Variants in CALN1 observed in about 807,000 individuals in gnomAD.
CALN1 encodes calneuron 1, also known as calcium-binding protein 8.
A neutral mutation model predicts 30.6 loss-of-function variants in CALN1; 17 were observed. That is an observed-to-expected ratio of 0.56 (90% CI 0.38 to 0.83). The LOEUF (loss-of-function observed/expected upper bound fraction) is 0.83, where lower values mean the gene tolerates loss of function less well. Ranked by LOEUF, CALN1 falls within the 40% of genes least tolerant of loss-of-function variation. CALN1 has a pLI of 0.00. For synonymous variants in CALN1, 156 were observed against 131.4 expected (o/e 1.19, Z -1.28); for missense variants, 291 against 354.9 (o/e 0.82, Z 1.45).
chr7:72,444,065 A>G (rs1206801744), intron 1 of CALN1, among the ~76,000 whole-genome samples: 1 of 151,606 alleles, frequency 6.6e-6, no homozygotes, highest in Non-Finnish European at 1.5e-5. Context: ...GTAGGTACTA[A>G]GTGTCTCCAC....
At chr7:71,798,000 C>CTTT (rs1787027824) in intron 6 of CALN1, among the ~76,000 whole-genome samples, 1 of 151,040 alleles carries the variant, frequency 6.6e-6, no homozygotes, top group Non-Finnish European at 1.5e-5. Context: ...AGGAATGGAG[C>CTTT]TAACAGGGAG....
At chr7:72,290,927 T>C (rs1798436566) in intron 2 of CALN1, among the ~76,000 whole-genome samples, 1 of 22,634 alleles carries the variant, frequency 4.4e-5, no homozygotes, top group African/African-American at 2.1e-4. Flanking sequence ...CTTTTAACCA[T>C]TTTTTTTTTT....
chr7:71,976,271 C>T (rs114583361), intron 5 of CALN1, among the ~76,000 whole-genome samples: 474 of 152,190 alleles, frequency 3.1e-3, no homozygotes, highest in African/African-American at 0.011. Context: ...CGTAACATCC[C>T]CAAGCAGGGT....
chr7:72,338,965 C>A (rs905782286), intron 2 of CALN1, among the ~76,000 whole-genome samples: 2 of 147,358 alleles, frequency 1.4e-5, no homozygotes, highest in African/African-American at 5.1e-5. Flanking sequence ...CCCCACCCAG[C>A]CCCCCTCACC....
chr7:72,116,831 A>G (rs1808018793), intron 3 of CALN1, among the ~76,000 whole-genome samples: 1 of 152,210 alleles, frequency 6.6e-6, no homozygotes, highest in East Asian at 1.9e-4. Context: ...AATATGAATA[A>G]CCATGGCTCA....
chr7:72,397,710 T>TCA (rs1286894513), intron 2 of CALN1, among the ~76,000 whole-genome samples: 233 of 57,326 alleles, frequency 4.1e-3, no homozygotes, highest in African/African-American at 0.016. Context: ...GCACCCATTC[T>TCA]CTCTCACACA....
intron 5 of CALN1, among the ~76,000 whole-genome samples, chr7:71,928,916 C>T (rs1207537784): frequency 1.3e-5 from 2 of 151,844 alleles, no homozygotes; most frequent in Admixed American, 6.6e-5. Context: ...TTCACCTACC[C>T]CCCACCCCCA....
At chr7:71,857,016 A>ATGTG (rs200594767) in intron 5 of CALN1, among the ~76,000 whole-genome samples, 4,150 of 142,270 alleles carry the variant, frequency 0.029, 100 homozygotes, top group Admixed American at 0.055. Context: ...GTGTATATGT[A>ATGTG]TGTGTGTGTG....
At chr7:72,074,832 G>A (rs1234583798) in intron 4 of CALN1, among the ~76,000 whole-genome samples, 1 of 152,232 alleles carries the variant, frequency 6.6e-6, no homozygotes, top group Non-Finnish European at 1.5e-5. Context: ...TCTACCATGT[G>A]TAGGACATTT....
intron 2 of CALN1, among the ~76,000 whole-genome samples, chr7:72,347,527 A>G (rs1802710712): frequency 6.6e-6 from 1 of 152,060 alleles, no homozygotes; most frequent in Non-Finnish European, 1.5e-5. Context: ...CGGCCTCCCA[A>G]AGTGCTGGGG....
At chr7:72,100,332 C>A (rs1441590718) in intron 4 of CALN1, among the ~76,000 whole-genome samples, 1 of 151,860 alleles carries the variant, frequency 6.6e-6, no homozygotes, top group East Asian at 1.9e-4. Flanking sequence ...CAGACGTGTA[C>A]CACTATGCCC....
intron 3 of CALN1, among the ~76,000 whole-genome samples, chr7:72,223,463 A>C (rs1793448862): frequency 6.6e-6 from 1 of 152,136 alleles, no homozygotes; most frequent in South Asian, 2.1e-4. Flanking sequence ...CAGGGTAAAA[A>C]AGGAACCAAG....
At chr7:71,935,488 C>T (rs1036100319) in intron 5 of CALN1, among the ~76,000 whole-genome samples, 2 of 152,060 alleles carry the variant, frequency 1.3e-5, no homozygotes, top group African/African-American at 2.4e-5. Context: ...TTTGGGAGGC[C>T]GAGGCGGGCG....
chr7:72,171,685 A>AGATCTTTGTACCAGGTCCT (rs1342153596), intron 3 of CALN1, among the ~76,000 whole-genome samples: 1 of 152,210 alleles, frequency 6.6e-6, no homozygotes, highest in Non-Finnish European at 1.5e-5. Flanking sequence ...AGATTTTTGA[A>AGATCTTTGTACCAGGTCCT]GATCTTTGTA....
chr7:72,347,509 G>C (rs1160235603), intron 2 of CALN1, among the ~76,000 whole-genome samples: 1 of 151,916 alleles, frequency 6.6e-6, no homozygotes, highest in African/African-American at 2.4e-5. Flanking sequence ...CAGGTGATGC[G>C]CCAGCCTCGG....
At chr7:72,274,516 AAAAAG>A (rs1468742804) in intron 3 of CALN1, among the ~76,000 whole-genome samples, 1 of 152,166 alleles carries the variant, frequency 6.6e-6, no homozygotes, top group Non-Finnish European at 1.5e-5. Context: ...AAAAAAAAAA[AAAAAG>A]ATAGTATCAC....
chr7:72,372,463 T>C (rs1460886480), intron 2 of CALN1, among the ~76,000 whole-genome samples: 1 of 151,986 alleles, frequency 6.6e-6, no homozygotes, highest in African/African-American at 2.4e-5. Context: ...ACCAAGAAAA[T>C]GGAAAGTACT....
chr7:72,458,883 T>G, the CALN1 span, among the ~76,000 whole-genome samples: 1 of 141,374 alleles, frequency 7.1e-6, no homozygotes, highest in African/African-American at 2.6e-5. Context: ...TATATATTTG[T>G]TTGTTTTGGT....
chr7:72,215,744 T>C (rs377388799), intron 3 of CALN1, among the ~76,000 whole-genome samples: 1 of 152,120 alleles, frequency 6.6e-6, no homozygotes, highest in Non-Finnish European at 1.5e-5. Context: ...TGGACCCAGC[T>C]AGGATCTCCC....
Sources: allele counts gnomAD v4.1 joint callset (sites outside exome capture counted in the v4.1 genomes callset), GRCh38; gene constraint gnomAD v4.1.1; transcripts MANE v1.5; gene names NCBI Gene and HGNC (gene_info 2026-07-23, HGNC 2026-07-21).